Variants in KIAA1217 observed in about 807,000 individuals in gnomAD.
KIAA1217 encodes the protein sickle tail protein homolog.
In KIAA1217, 88 loss-of-function variants were observed where a neutral mutation model predicts 163.9. The ratio of observed to expected loss-of-function variants is 0.54; its 90% CI spans 0.45 to 0.64. The LOEUF is 0.64. KIAA1217 is among the 30% of genes least tolerant of loss of function. KIAA1217 has a pLI of 0.00. For missense variants in KIAA1217, 2,372 were observed against 2,475.0 expected, an observed-to-expected ratio of 0.96 and a Z score of 0.88; for synonymous variants, 903 against 923.1, an observed-to-expected ratio of 0.98 and a Z score of 0.39.
chr10:24,329,170 T>A (rs997355086), intron 2 of KIAA1217, among the ~76,000 whole-genome samples: 9 of 147,908 alleles, frequency 6.1e-5, no homozygotes, highest in Non-Finnish European at 1.5e-5. Context: ...TTATACATAG[T>A]ACATAAATGG....
chr10:24,337,362 T>A (rs1005152352), intron 2 of KIAA1217, among the ~76,000 whole-genome samples: 4 of 152,202 alleles, frequency 2.6e-5, no homozygotes, highest in Non-Finnish European at 5.9e-5. Flanking sequence ...TACAGTTAGA[T>A]ACATATCACA....
At chr10:24,361,905 G>T (rs916796084) in intron 2 of KIAA1217, among the ~76,000 whole-genome samples, 1 of 150,742 alleles carries the variant, frequency 6.6e-6, no homozygotes, top group Non-Finnish European at 1.5e-5. Flanking sequence ...AACCAGGGAG[G>T]CGGAGCTTGC....
chr10:24,524,619 C>G lies in KIAA1217; in HGVS notation c.2753C>G (p.Ala918Gly). The change falls in exon 13 of 21, where the codon GCC (alanine) becomes GGC (glycine). Residue 918 changes from alanine (A) to glycine (G), a missense_variant. Physicochemically the swap from Ala to Gly is moderately conservative, Grantham distance 60 (BLOSUM62 0). Around this residue, in one of 3 missense-constraint regions of KIAA1217, gnomAD observed 1,431 missense variants for 1,470.3 expected, o/e 0.97. Coordinates refer to ENST00000376454, the MANE Select transcript of KIAA1217 (RefSeq NM_019590.5). The stretch of plus-strand genomic sequence containing the variant: ...TTGCCTCACGTGGCCAGCTCCCCAG[C>G]CGTCCCCCAGGAAGCAACCTCCACT... ...QNLPHVASSP[A>G]VPQEATSTLQ... is the part of the protein sequence containing the mutation. 6.2e-7 allele frequency: 1 copy of G among 1,614,052 alleles called. No individual in the cohort carries two copies. The highest frequency in any genetic ancestry group is 8.5e-7 in the Non-Finnish European group (1 of 1,180,034).
At chr10:23,775,222 C>A (rs890340779) in intron 1 of KIAA1217, among the ~76,000 whole-genome samples, 6 of 152,036 alleles carry the variant, frequency 3.9e-5, no homozygotes, top group Admixed American at 3.3e-4. Flanking sequence ...TGAGGAGATT[C>A]AGATTTGAGA....
intron 2 of KIAA1217, among the ~76,000 whole-genome samples, chr10:24,118,167 AAG>A (rs2063135364): frequency 6.6e-6 from 1 of 151,858 alleles, no homozygotes; most frequent in Non-Finnish European, 1.5e-5. Context: ...AAAAAAAAAA[AAG>A]AAACGAAAGT....
At chr10:24,360,737 C>T (rs1564536519) in intron 2 of KIAA1217, among the ~76,000 whole-genome samples, 1 of 152,110 alleles carries the variant, frequency 6.6e-6, no homozygotes. Context: ...GAAACGTAAT[C>T]AACGTGAGGA....
At chr10:24,192,093 T>A (rs912185680) in intron 2 of KIAA1217, among the ~76,000 whole-genome samples, 3 of 152,224 alleles carry the variant, frequency 2.0e-5, no homozygotes, top group African/African-American at 7.2e-5. Context: ...TTTTGGGTGT[T>A]AACACAAGAG....
chr10:24,432,118 CTTTTT>C (rs57893341), intron 3 of KIAA1217, among the ~76,000 whole-genome samples: 1 of 116,432 alleles, frequency 8.6e-6, no homozygotes, highest in African/African-American at 3.4e-5. Flanking sequence ...AAGTATCGTC[CTTTTT>C]TTTTTTTTTT....
intron 2 of KIAA1217, among the ~76,000 whole-genome samples, chr10:24,270,289 G>A (rs1426421495): frequency 3.3e-5 from 5 of 152,134 alleles, no homozygotes; most frequent in Non-Finnish European, 7.4e-5. Context: ...ATCCAGCTGT[G>A]GGACACTCAT....
chr10:24,309,589 A>G (rs532502909), intron 2 of KIAA1217, among the ~76,000 whole-genome samples: 2 of 152,310 alleles, frequency 1.3e-5, no homozygotes, highest in East Asian at 3.9e-4. Flanking sequence ...AGTTTCTTCA[A>G]CATTGGCAGA....
At chr10:24,202,524 G>A (rs1487787508) in intron 2 of KIAA1217, among the ~76,000 whole-genome samples, 1 of 152,114 alleles carries the variant, frequency 6.6e-6, no homozygotes, top group Admixed American at 6.5e-5. Context: ...CTCCACCCTG[G>A]GCTGCACCAC....
intron 1 of KIAA1217, among the ~76,000 whole-genome samples, chr10:23,856,783 C>T (rs948643178): frequency 5.3e-5 from 8 of 152,234 alleles, no homozygotes; most frequent in East Asian, 1.9e-4. Context: ...TAGCAATCAG[C>T]GAGATTCTGT....
In KIAA1217 at chr10:23,959,851, G is replaced by T. The variant is rs116035400; in HGVS notation, c.-320-47374G>T. On this transcript the variant is annotated intron_variant, in intron 1 of 18. Transcript: ENST00000376462. ...GGACGTTTCTTTCCTCTGGGTATAG[G>T]GAGAATATCTCTGGAATGAAGGTCT... Among the ~76,000 whole-genome samples, 450 of 152,036 alleles carry T rather than the reference G, an allele frequency of 3.0e-3. 6 individuals are homozygous for T. Among genetic ancestry groups the T allele is most frequent in the African/African-American group, 0.01 (429 of 41,470 alleles).
chr10:24,196,128 T>C (rs941963408), intron 2 of KIAA1217, among the ~76,000 whole-genome samples: 1 of 112,286 alleles, frequency 8.9e-6, no homozygotes, highest in African/African-American at 3.8e-5. Flanking sequence ...AGTGAGACCC[T>C]GTCTCAAAAC....
At position 24,033,783 on chromosome 10, in the gene KIAA1217, C is replaced by A. The variant is rs528195149; in HGVS notation, c.-171+26409C>A. 1.0e-3 allele frequency among the ~76,000 whole-genome samples: 153 copies of A among 152,350 alleles called. 1 individual carries two copies. Among genetic ancestry groups the A allele is most frequent in the African/African-American group, 3.6e-3 (148 of 41,582 alleles). ...AAGTACTACCAAATCTGTCCAGCCA[C>A]CTGTTTTTACAAACAAAGTTTTATT... On this transcript the variant is annotated intron_variant, in intron 2 of 18. Transcript: ENST00000376462.
At chr10:24,303,201 A>G (rs907765289) in intron 2 of KIAA1217, among the ~76,000 whole-genome samples, 3 of 151,910 alleles carry the variant, frequency 2.0e-5, no homozygotes, top group African/African-American at 7.3e-5. Flanking sequence ...TTTTTTTTAG[A>G]GACAGGATCT....
intron 1 of KIAA1217, among the ~76,000 whole-genome samples, chr10:23,888,026 T>C (rs1016628962): frequency 1.3e-5 from 2 of 151,948 alleles, no homozygotes; most frequent in Non-Finnish European, 2.9e-5. Context: ...TCTCTGTAAA[T>C]AGAGAACAAT....
intron 1 of KIAA1217, among the ~76,000 whole-genome samples, chr10:23,727,349 C>T (rs1362482641): frequency 7.0e-6 from 1 of 142,712 alleles, no homozygotes; most frequent in East Asian, 2.0e-4. Context: ...TCACCTAAGG[C>T]CAGAGTTTGA....
chr10:23,947,904 C>T (rs889126913), intron 1 of KIAA1217, among the ~76,000 whole-genome samples: 2 of 152,206 alleles, frequency 1.3e-5, no homozygotes, highest in Non-Finnish European at 2.9e-5. Context: ...CGAGCCCTGA[C>T]TGAGAAGAGG....
Sources: gnomAD v4.1 joint callset for allele counts (sites outside exome capture counted in the v4.1 genomes callset) on GRCh38, gnomAD v4.1.1 for gene constraint, gnomAD v4.1.1 regional missense constraint, MANE v1.5 for transcripts, NCBI Gene and HGNC (gene_info 2026-07-23, HGNC 2026-07-21) for gene names.